Variants in RNF130 observed in about 807,000 individuals in gnomAD.
RNF130 encodes the protein ring finger protein 130.
In RNF130, 21 loss-of-function variants were observed where a neutral mutation model predicts 44.6. The ratio of observed to expected loss-of-function variants is 0.47; its 90% confidence interval spans 0.33 to 0.68. RNF130 has a LOEUF of 0.68. RNF130 is among the 30% of genes least tolerant of loss of function. RNF130 has a pLI of 0.02. For synonymous variants in RNF130, 214 were observed against 210.4 expected (o/e 1.02, Z -0.15); for missense variants, 479 against 560.6 (o/e 0.85, Z 1.47).
intron 7 of RNF130, among the ~76,000 whole-genome samples, chr5:179,923,135 T>G (rs1761658694): frequency 6.6e-6 from 1 of 152,232 alleles, no homozygotes; most frequent in Admixed American, 6.5e-5. Context: ...CACTAAGATT[T>G]TCTCGTACAT....
At chr5:180,055,910 C>T (rs1407387127) in intron 1 of RNF130, among the ~76,000 whole-genome samples, 2 of 151,846 alleles carry the variant, frequency 1.3e-5, no homozygotes, top group African/African-American at 4.8e-5. Flanking sequence ...AGGGTGAAAC[C>T]CTGTCTCTAC....
intron 1 of RNF130, among the ~76,000 whole-genome samples, chr5:180,060,985 C>T (rs1260321249): frequency 3.6e-5 from 5 of 138,392 alleles, no homozygotes; most frequent in African/African-American, 1.3e-4. Context: ...AGGAGAATGG[C>T]GTGAACCCCG....
intron 5 of RNF130, among the ~76,000 whole-genome samples, chr5:179,974,310 T>C (rs751886951): frequency 3.9e-5 from 6 of 152,128 alleles, no homozygotes; most frequent in Non-Finnish European, 7.4e-5. Context: ...TCTGAAAACG[T>C]ACTTCTAACG....
intron 1 of RNF130, among the ~76,000 whole-genome samples, chr5:180,044,706 C>T (rs1320180114): frequency 6.6e-6 from 1 of 152,048 alleles, no homozygotes. Context: ...GTGGTGGGTG[C>T]CTGTAATCCC....
Position 179,970,597 on chromosome 5 carries a change from T to C in RNF130, c.849-91A>G, listed in dbSNP as rs1448214235. On this transcript the variant is annotated intron_variant, in intron 5 of 8. Coordinates refer to ENST00000521389, the MANE Select transcript of RNF130 (RefSeq NM_018434.6). The stretch of plus-strand genomic sequence containing the variant: ...AGAAAGGGAATTTTTAGTTAAGTTT[T>C]CTTTTCCCCCTTTCAGGACATATTT... The C allele has an allele frequency of 6.5e-6, 6 of 928,600 alleles. No homozygotes were observed. In the African/African-American group the frequency reaches 6.7e-5, roughly 10 times the overall value. 57.5% of individuals were successfully genotyped at this position (928,600 alleles called of 1,614,324 possible).
intron 2 of RNF130, among the ~76,000 whole-genome samples, chr5:180,026,074 GA>G: frequency 6.7e-6 from 1 of 148,176 alleles, no homozygotes; most frequent in East Asian, 2.0e-4. Context: ...GAATATGATG[GA>G]AAAAAGGTGA....
intron 3 of RNF130, among the ~76,000 whole-genome samples, chr5:179,993,831 TTTTC>T (rs1416312442): frequency 2.0e-5 from 3 of 152,116 alleles, no homozygotes; most frequent in Non-Finnish European, 4.4e-5. Context: ...ATTGCCTAGG[TTTTC>T]TTTTAGGGTT....
rs1205914690 is a variant in RNF130, at chr5:180,055,248, C to CA, written c.248-14602dup. Among the ~76,000 whole-genome samples the CA allele has an allele frequency of 6.7e-3, 141 of 20,978 alleles. 7 individuals carry two copies. The highest frequency in any genetic ancestry group is 7.9e-3 in the Non-Finnish European group (108 of 13,686). The allele number at this position is 20,978 out of a possible 152,430, so 13.8% of individuals were successfully genotyped here. ...TGGGCAACAGAGTGAGGTTCTGTCT[C>CA]AAAAAAAAAAAAAAAAAAAAAAAAA... is the stretch of plus-strand genomic sequence containing the variant. On this transcript the variant is annotated intron_variant, in intron 1 of 8. Coordinates refer to ENST00000521389, the MANE Select transcript of RNF130 (RefSeq NM_018434.6).
intron 3 of RNF130, among the ~76,000 whole-genome samples, chr5:179,984,948 T>C (rs1325091223): frequency 6.6e-6 from 1 of 152,182 alleles, no homozygotes; most frequent in African/African-American, 2.4e-5. Context: ...TTCCAGAATC[T>C]GAAAAATTTC....
At chr5:179,990,484 CA>C (rs1763055775) in intron 3 of RNF130, among the ~76,000 whole-genome samples, 1 of 152,204 alleles carries the variant, frequency 6.6e-6, no homozygotes, top group Non-Finnish European at 1.5e-5. Flanking sequence ...CACAGCATCA[CA>C]GGGAGATGGT....
intron 3 of RNF130, among the ~76,000 whole-genome samples, chr5:179,999,373 G>A (rs1763280439): frequency 6.6e-6 from 1 of 151,962 alleles, no homozygotes; most frequent in Non-Finnish European, 1.5e-5. Flanking sequence ...ATTTCCCTTT[G>A]CATGGAATAT....
At chr5:179,986,633 A>C (rs972498992) in intron 3 of RNF130, among the ~76,000 whole-genome samples, 10 of 152,238 alleles carry the variant, frequency 6.6e-5, no homozygotes, top group African/African-American at 2.4e-4. Flanking sequence ...TTAATACAGT[A>C]CGTACTACTG....
intron 1 of RNF130, among the ~76,000 whole-genome samples, chr5:180,060,865 C>A (rs879856019): frequency 5.3e-5 from 8 of 151,948 alleles, no homozygotes; most frequent in Non-Finnish European, 1.2e-4. Flanking sequence ...GTCGGGCGAT[C>A]GAGACCATCC....
intron 7 of RNF130, chr5:179,939,634 C>G (rs1292398967): frequency 2.2e-6 from 1 of 459,786 alleles, no homozygotes; most frequent in Non-Finnish European, 4.3e-6. Context: ...CCACAAATGA[C>G]GTGGAAGAGA....
At chr5:180,041,052 G>A (rs566249553) in intron 1 of RNF130, among the ~76,000 whole-genome samples, 15 of 152,190 alleles carry the variant, frequency 9.9e-5, no homozygotes, top group Admixed American at 2.6e-4. Context: ...TCCACACACC[G>A]CCACCACCGC....
At chr5:179,917,387 T>A (rs1761567243) in exon 8 of RNF130, 1 of 152,348 alleles carries the variant, frequency 6.6e-6, no homozygotes, top group Non-Finnish European at 1.5e-5. Flanking sequence ...TGTAAATAGC[T>A]GACTCCTCAG....
intron 7 of RNF130, among the ~76,000 whole-genome samples, chr5:179,964,965 G>A (rs892335047): frequency 1.3e-5 from 2 of 152,116 alleles, no homozygotes; most frequent in African/African-American, 4.8e-5. Context: ...AAATGTATAT[G>A]GCATTTATAA....
At chr5:180,048,923 AT>A (rs1252325358) in intron 1 of RNF130, among the ~76,000 whole-genome samples, 1 of 152,166 alleles carries the variant, frequency 6.6e-6, no homozygotes, top group African/African-American at 2.4e-5. Context: ...ACCCTAGGTC[AT>A]TTATCCTTCT....
intron 6 of RNF130, among the ~76,000 whole-genome samples, chr5:179,967,524 T>C (rs1471787257): frequency 1.3e-5 from 2 of 152,240 alleles, no homozygotes; most frequent in East Asian, 1.9e-4. Flanking sequence ...AAAAGACTTT[T>C]GAACTATAAG....
Sources: gnomAD v4.1 joint callset for allele counts (sites outside exome capture counted in the v4.1 genomes callset) on GRCh38, gnomAD v4.1.1 for gene constraint, MANE v1.5 for transcripts, NCBI Gene and HGNC (gene_info 2026-07-23, HGNC 2026-07-21) for gene names.